Variants in DLG2 observed in about 807,000 individuals in gnomAD.
The protein encoded by DLG2 is discs large MAGUK scaffold protein 2, also known as disks large homolog 2.
Under a neutral mutation model 132.5 loss-of-function variants are expected in DLG2, and 45 were observed. The observed-to-expected ratio is 0.34, with a 90% CI of 0.27 to 0.44. The LOEUF (loss-of-function observed/expected upper bound fraction) is 0.44. Ranked by LOEUF, DLG2 falls within the 20% of genes least tolerant of loss-of-function variation. The probability of loss-of-function intolerance (pLI) is 1.00; values close to 1 mark genes in which losing one functional copy is unlikely to be tolerated. For synonymous variants in DLG2, 424 were observed against 419.6 expected, an observed-to-expected ratio of 1.01 and a Z score of -0.13; for missense variants, 1,045 against 1,196.9, an observed-to-expected ratio of 0.87 and a Z score of 1.87.
intron 19 of DLG2, among the ~76,000 whole-genome samples, chr11:83,560,718 G>A (rs1279473305): frequency 1.3e-5 from 2 of 152,132 alleles, no homozygotes; most frequent in African/African-American, 4.8e-5. Flanking sequence ...CATTGCTGAC[G>A]TAGAATGATC....
intron 6 of DLG2, among the ~76,000 whole-genome samples, chr11:85,062,252 A>C (rs147416261): frequency 1.4e-3 from 206 of 151,960 alleles, no homozygotes; most frequent in African/African-American, 4.5e-3. Flanking sequence ...TTATGGGTAA[A>C]AAATTATATC....
At chr11:85,033,043 G>C (rs935044964) in intron 6 of DLG2, among the ~76,000 whole-genome samples, 1 of 152,158 alleles carries the variant, frequency 6.6e-6, no homozygotes, top group Non-Finnish European at 1.5e-5. Flanking sequence ...CTTGCAAAAT[G>C]CAAAGCCAAC....
chr11:84,518,655 G>C (rs1290199183), intron 7 of DLG2, among the ~76,000 whole-genome samples: 6 of 152,106 alleles, frequency 3.9e-5, no homozygotes, highest in African/African-American at 1.4e-4. Flanking sequence ...CAGAGGAATA[G>C]CTCCAGTTTT....
intron 19 of DLG2, among the ~76,000 whole-genome samples, chr11:83,563,593 T>C (rs2096651842): frequency 6.6e-6 from 1 of 152,230 alleles, no homozygotes. Context: ...TACTTTTATA[T>C]AGCAACTACT....
intron 14 of DLG2, among the ~76,000 whole-genome samples, chr11:83,958,456 T>G (rs1421920188): frequency 1.3e-5 from 2 of 152,170 alleles, no homozygotes; most frequent in East Asian, 1.9e-4. Context: ...CACACTAAAT[T>G]CACAGCTAGG....
chr11:84,137,530 A>T (rs941204831), intron 9 of DLG2, among the ~76,000 whole-genome samples: 5 of 152,148 alleles, frequency 3.3e-5, no homozygotes, highest in African/African-American at 1.2e-4. Context: ...CATAGCTCAA[A>T]CAAATTTAGG....
At chr11:85,614,466 C>G (rs1039267677) in intron 2 of DLG2, among the ~76,000 whole-genome samples, 2 of 152,132 alleles carry the variant, frequency 1.3e-5, no homozygotes. Context: ...CATGGAGAAA[C>G]CCCGTTTTTA....
intron 18 of DLG2, among the ~76,000 whole-genome samples, chr11:83,676,829 C>A (rs1441368028): frequency 6.6e-6 from 1 of 152,126 alleles, no homozygotes; most frequent in Non-Finnish European, 1.5e-5. Flanking sequence ...CCCATTTATC[C>A]ATGTCCCTTG....
chr11:85,377,846 CAT>C (rs778671050), intron 3 of DLG2, among the ~76,000 whole-genome samples: 10 of 131,300 alleles, frequency 7.6e-5, no homozygotes, highest in South Asian at 4.8e-4. Flanking sequence ...TGTGTGTATA[CAT>C]ATATGTGTGT....
At chr11:83,833,553 A>T in intron 17 of DLG2, 61 bp downstream of exon 17, 1 of 1,502,962 alleles carries the variant, frequency 6.7e-7, no homozygotes, top group East Asian at 2.3e-5. Flanking sequence ...ATTGAAAGTT[A>T]TGACTTTTTC....
At chr11:83,792,455 C>A (rs2041833537) in intron 17 of DLG2, among the ~76,000 whole-genome samples, 1 of 152,078 alleles carries the variant, frequency 6.6e-6, no homozygotes, top group African/African-American at 2.4e-5. Flanking sequence ...AAAAGACATA[C>A]AATTAAAAGG....
intron 3 of DLG2, among the ~76,000 whole-genome samples, chr11:85,438,642 T>A (rs2091614700): frequency 6.6e-6 from 1 of 152,200 alleles, no homozygotes; most frequent in African/African-American, 2.4e-5. Context: ...CACAATGATA[T>A]CACTCATATT....
chr11:84,175,025 A>T (rs968294401), intron 8 of DLG2, among the ~76,000 whole-genome samples: 13 of 152,178 alleles, frequency 8.5e-5, no homozygotes, highest in Admixed American at 2.0e-4. Flanking sequence ...TGAAACCAGG[A>T]GAATCTTGTT....
intron 6 of DLG2, among the ~76,000 whole-genome samples, chr11:84,778,983 G>A (rs918822959): frequency 6.6e-6 from 1 of 152,030 alleles, no homozygotes; most frequent in Admixed American, 6.6e-5. Context: ...TTGAACCTAC[G>A]CCAGTGGTTT....
At chr11:84,157,685 A>G (rs1164186698) in intron 9 of DLG2, among the ~76,000 whole-genome samples, 1 of 152,226 alleles carries the variant, frequency 6.6e-6, no homozygotes, top group Non-Finnish European at 1.5e-5. Context: ...TGCGGACCAC[A>G]TATTGAGAGC....
chr11:84,329,081 C>T lies in DLG2; in HGVS notation c.520-77790G>A, dbSNP rs550033613. ...GAAACAACATGCAGGATATCCCTTG[C>T]TATTGAACTTGTCCCATTAAGGTGA... On this transcript the variant is annotated intron_variant, in intron 7 of 27. Transcript: ENST00000376104. Among the ~76,000 whole-genome samples the T allele has an allele frequency of 3.9e-5, 6 of 152,262 alleles. No individual in the cohort carries two copies. In the South Asian group the frequency reaches 1.0e-3, roughly 26 times the overall value.
intron 3 of DLG2, among the ~76,000 whole-genome samples, chr11:85,407,064 T>A (rs2088820299): frequency 6.6e-6 from 1 of 151,800 alleles, no homozygotes; most frequent in Admixed American, 6.6e-5. Context: ...TCTTGGCAGC[T>A]TACAGGAAAA....
chr11:84,391,698 A>T (rs1479469425), intron 7 of DLG2, among the ~76,000 whole-genome samples: 1 of 152,126 alleles, frequency 6.6e-6, no homozygotes, highest in Non-Finnish European at 1.5e-5. Context: ...AGACTTCTTA[A>T]TGGAAAGCAA....
intron 6 of DLG2, among the ~76,000 whole-genome samples, chr11:84,946,030 C>T (rs561739445): frequency 3.3e-5 from 5 of 152,222 alleles, no homozygotes; most frequent in African/African-American, 1.2e-4. Flanking sequence ...TGGCTACTTC[C>T]AATGTTCACT....
Sources: gnomAD v4.1 joint callset for allele counts (sites outside exome capture counted in the v4.1 genomes callset) on GRCh38, gnomAD v4.1.1 for gene constraint, MANE v1.5 for transcripts, NCBI Gene and HGNC (gene_info 2026-07-23, HGNC 2026-07-21) for gene names.